The following PRDM5 variants were observed in gnomAD, a reference collection of about 807,000 sequenced individuals.
The protein encoded by PRDM5 is PR/SET domain 5, also known as PR domain zinc finger protein 5.
PRDM5 carries 56 observed loss-of-function variants against 81.2 expected under a neutral mutation model. That is an observed-to-expected ratio of 0.69 (90% CI 0.56 to 0.86). The LOEUF (loss-of-function observed/expected upper bound fraction) is 0.86. Among genes scored for constraint, PRDM5 ranks in the 40% least tolerant of loss-of-function variants. The pLI, the probability that PRDM5 is intolerant of heterozygous loss-of-function variation, is 0.00. For synonymous variants in PRDM5, 267 were observed against 256.4 expected (o/e 1.04, Z -0.39); for missense variants, 697 against 770.1 (o/e 0.91, Z 1.12).
At chr4:120,881,641 CATTT>C (rs1281331787) in intron 2 of PRDM5, among the ~76,000 whole-genome samples, 1 of 152,134 alleles carries the variant, frequency 6.6e-6, no homozygotes, top group East Asian at 1.9e-4. Flanking sequence ...ACCACAAGTT[CATTT>C]ATTTAGGCCA....
chr4:120,729,471 G>A (rs1322153192), intron 14 of PRDM5, among the ~76,000 whole-genome samples: 1 of 152,100 alleles, frequency 6.6e-6, no homozygotes, highest in Non-Finnish European at 1.5e-5. Context: ...AATTCACACA[G>A]CCTAAACACC....
chr4:120,822,836 C>T (rs1755463423), intron 3 of PRDM5, among the ~76,000 whole-genome samples: 2 of 152,122 alleles, frequency 1.3e-5, no homozygotes, highest in Non-Finnish European at 2.9e-5. Context: ...TAATCATGTG[C>T]TACACTTAAT....
intron 2 of PRDM5, among the ~76,000 whole-genome samples, chr4:120,859,967 C>G (rs142552342): frequency 1.8e-4 from 27 of 152,294 alleles, no homozygotes; most frequent in African/African-American, 6.0e-4. Flanking sequence ...CTGGAAAGGA[C>G]GATTATGACC....
rs756265026 is a variant in PRDM5 at position 120,816,943 on chromosome 4, AAG to A, written c.651-21_651-20del. ...AAGAACACTAAAGGGAAATAGGAAA[AAG>A]AGAAAGAAAAGAAAACAAAAACTGG... On this transcript the variant is annotated intron_variant, in intron 5 of 15. Transcript: ENST00000264808. The A allele has an allele frequency of 3.5e-4, 551 of 1,590,268 alleles. 3 individuals carry two copies. The highest frequency in any genetic ancestry group is 3.8e-4 in the Non-Finnish European group (445 of 1,158,584).
intron 15 of PRDM5, among the ~76,000 whole-genome samples, chr4:120,704,060 A>C (rs1230625076): frequency 1.3e-5 from 2 of 152,208 alleles, no homozygotes; most frequent in Non-Finnish European, 2.9e-5. Flanking sequence ...GCAAGCTGGA[A>C]AAAACGGAAA....
chr4:120,717,226 G>A (rs1210069927), intron 14 of PRDM5, among the ~76,000 whole-genome samples: 2 of 152,132 alleles, frequency 1.3e-5, no homozygotes, highest in Non-Finnish European at 2.9e-5. Context: ...CTGACAAATA[G>A]CTTGTCCTTT....
intron 3 of PRDM5, among the ~76,000 whole-genome samples, chr4:120,840,477 C>A (rs1024144683): frequency 6.6e-6 from 1 of 152,116 alleles, no homozygotes; most frequent in Admixed American, 6.5e-5. Context: ...AGGAACCCAG[C>A]ACCCTCAGCA....
chr4:120,779,723 G>C (rs1490222239), intron 12 of PRDM5, among the ~76,000 whole-genome samples: 1 of 152,104 alleles, frequency 6.6e-6, no homozygotes, highest in East Asian at 1.9e-4. Flanking sequence ...CCAGCATGGT[G>C]AAACTCCGTC....
At chr4:120,896,362 G>A (rs1764610434) in intron 2 of PRDM5, 1 of 152,022 alleles carries the variant, frequency 6.6e-6, no homozygotes, top group South Asian at 2.1e-4. Context: ...TTAAAATAAG[G>A]TTTTTCAGCA....
intron 14 of PRDM5, among the ~76,000 whole-genome samples, chr4:120,744,197 A>C (rs200065168): frequency 0.19 from 29,632 of 151,986 alleles, 3,548 homozygotes; most frequent in Non-Finnish European, 0.27. Context: ...ACATAACGAA[A>C]TGAAGGCAGA....
intron 2 of PRDM5, among the ~76,000 whole-genome samples, chr4:120,902,464 A>T (rs1216186172): frequency 6.6e-6 from 1 of 152,210 alleles, no homozygotes; most frequent in Non-Finnish European, 1.5e-5. Flanking sequence ...GAATTGAAGG[A>T]AATGTATCTC....
intron 13 of PRDM5, among the ~76,000 whole-genome samples, chr4:120,769,978 C>G (rs578054871): frequency 6.6e-6 from 1 of 152,032 alleles, no homozygotes; most frequent in Non-Finnish European, 1.5e-5. Context: ...TGCATCTACA[C>G]GGTTGCTCTC....
Position 120,904,198 on chromosome 4 carries a change from AAAAAAAAC to A in PRDM5, c.177+3268_177+3275del, listed in dbSNP as rs1436246039. Among the ~76,000 whole-genome samples, 21 of 145,432 alleles carry A rather than the reference AAAAAAAAC, an allele frequency of 1.4e-4. 1 individual carries two copies. Among genetic ancestry groups the A allele is most frequent in the Admixed American group, 2.7e-4 (4 of 14,590 alleles). ...GAGGGAGACTCCTTCTCAAAAAAAA[AAAAAAAAC>A]AAAAAAACCTCCTTCCTTTATAAAT... On this transcript the variant is annotated intron_variant, in intron 2 of 15. Coordinates refer to ENST00000264808, the MANE Select transcript of PRDM5 (RefSeq NM_018699.4).
chr4:120,908,650 A>T (rs1161494354), intron 1 of PRDM5, among the ~76,000 whole-genome samples: 3 of 152,252 alleles, frequency 2.0e-5, no homozygotes, highest in African/African-American at 7.2e-5. Context: ...ATACTGGCAG[A>T]GCCAGGAAGA....
At chr4:120,812,531 C>T (rs993879836) in intron 7 of PRDM5, 3 of 163,856 alleles carry the variant, frequency 1.8e-5, no homozygotes, top group East Asian at 1.9e-4. Flanking sequence ...ATTAATTTTG[C>T]TGAACATTTT....
At chr4:120,685,935 T>C (rs1733817781) in intron 1 of PRDM5, among the ~76,000 whole-genome samples, 1 of 152,056 alleles carries the variant, frequency 6.6e-6, no homozygotes, top group South Asian at 2.1e-4. Context: ...GTTGATTGCA[T>C]CATGGGGTGG....
intron 7 of PRDM5, among the ~76,000 whole-genome samples, chr4:120,814,899 T>C (rs977023025): frequency 1.3e-5 from 2 of 152,178 alleles, no homozygotes; most frequent in Admixed American, 6.5e-5. Flanking sequence ...AAAATATATA[T>C]AAAACAAGAT....
In PRDM5 at chr4:120,827,809, G is replaced by A. The variant is rs539597199; in HGVS notation, c.301-6464C>T. On this transcript the variant is annotated intron_variant, in intron 3 of 15. Transcript: ENST00000264808. The stretch of plus-strand genomic sequence containing the variant: ...AGCCAGATGGTAGGCTTTGGAACCC[G>A]ATTAGGAAGTGCTCTGTCACTTCAT... 3.9e-5 allele frequency among the ~76,000 whole-genome samples: 6 copies of A among 152,156 alleles called. No homozygotes were observed. In the East Asian group the frequency reaches 5.8e-4, roughly 15 times the overall value.
At chr4:120,820,746 A>G (rs1755150207) in intron 4 of PRDM5, among the ~76,000 whole-genome samples, 1 of 152,218 alleles carries the variant, frequency 6.6e-6, no homozygotes, top group Non-Finnish European at 1.5e-5. Flanking sequence ...TCTCTTGTGT[A>G]CCTCACCTCC....
Sources: allele counts gnomAD v4.1 joint callset (sites outside exome capture counted in the v4.1 genomes callset), GRCh38; gene constraint gnomAD v4.1.1; transcripts MANE v1.5; gene names NCBI Gene and HGNC (gene_info 2026-07-23, HGNC 2026-07-21).